Variants in AXDND1 observed in about 807,000 individuals in gnomAD.
AXDND1 encodes axonemal dynein light chain domain containing 1, also known as axonemal dynein light chain domain-containing protein 1.
A neutral mutation model predicts 137.5 loss-of-function variants in AXDND1; 110 were observed. The observed-to-expected ratio is 0.80, with a 90% CI of 0.69 to 0.94. AXDND1 has a LOEUF of 0.94. AXDND1 is among the 40% of genes least tolerant of loss of function. AXDND1 has a pLI of 0.00. For synonymous variants in AXDND1, 414 were observed against 399.7 expected (o/e 1.04, Z -0.43); for missense variants, 1,191 against 1,169.8 (o/e 1.02, Z -0.26).
chr1:179,524,630 T>C (rs1670370962), intron 21 of AXDND1, among the ~76,000 whole-genome samples: 1 of 152,192 alleles, frequency 6.6e-6, no homozygotes, highest in Non-Finnish European at 1.5e-5. Context: ...GATGCACATT[T>C]TCTCTAACCA....
At position 179,525,381 on chromosome 1, in the gene AXDND1, AGAAGAT is replaced by A. The variant is rs1292234096; in HGVS notation, c.2550_2555del (p.Asp850_Glu851del). 1 of 1,612,370 alleles carries A rather than the reference AGAAGAT, an allele frequency of 6.2e-7. No homozygotes were observed. Among genetic ancestry groups the A allele is most frequent in the Admixed American group, 1.7e-5 (1 of 59,892 alleles). On this transcript the variant is annotated inframe_deletion, in exon 22 of 26. Coordinates refer to ENST00000367618, the MANE Select transcript of AXDND1 (RefSeq NM_144696.6). ...AGCCTGAAATAGACGAGTCTTTTAAAGAAGATGAAGAAGAAAGTAAGGAGGATAGGA... is the reference window on the plus strand; with the variant it reads ...AGCCTGAAATAGACGAGTCTTTTAAAGAAGAAGAAAGTAAGGAGGATAGGA...
intron 11 of AXDND1, among the ~76,000 whole-genome samples, chr1:179,400,148 A>G (rs1651731354): frequency 6.6e-6 from 1 of 152,232 alleles, no homozygotes. Context: ...CACAATTCAC[A>G]ATTGCAAAAT....
intron 17 of AXDND1, among the ~76,000 whole-genome samples, chr1:179,482,020 G>A (rs1205009799): frequency 6.6e-6 from 1 of 150,866 alleles, no homozygotes; most frequent in East Asian, 1.9e-4. Context: ...GTTCTTTAAA[G>A]CACCCTTAGG....
At chr1:179,419,074 G>GC (rs1171400940) in intron 12 of AXDND1, among the ~76,000 whole-genome samples, 4 of 151,414 alleles carry the variant, frequency 2.6e-5, no homozygotes, top group Admixed American at 6.6e-5. Context: ...CGGGGAAGAG[G>GC]CCCCCCTCAC....
chr1:179,479,580 A>G (rs536319808), intron 17 of AXDND1, among the ~76,000 whole-genome samples: 2 of 151,042 alleles, frequency 1.3e-5, no homozygotes, highest in African/African-American at 4.9e-5. Flanking sequence ...GATTGAGACC[A>G]TCCTCTCTAA....
At position 179,429,633 on chromosome 1, in the gene AXDND1, A is replaced by T. The variant is rs766058626; in HGVS notation, c.1332+14A>T. ...CTATCAAACAAGGTAAAGGTCAATTATCTTCAGTTATGGGAAAAAAAGATG... is the reference window on the plus strand; with the variant it reads ...CTATCAAACAAGGTAAAGGTCAATTTTCTTCAGTTATGGGAAAAAAAGATG... On this transcript the variant is annotated intron_variant, in intron 13 of 25. Transcript: ENST00000367618. 39 of 1,479,250 alleles carry T rather than the reference A, an allele frequency of 2.6e-5. No individual in the cohort carries two copies. Among genetic ancestry groups the T allele is most frequent in the Non-Finnish European group, 2.4e-5 (26 of 1,099,332 alleles). 91.6% of individuals were successfully genotyped at this position (1,479,250 alleles called of 1,614,324 possible). A position where few individuals can be genotyped will look rare whatever the true frequency, so the allele number is the denominator to read the frequency against.
intron 17 of AXDND1, among the ~76,000 whole-genome samples, chr1:179,468,952 G>C (rs928226146): frequency 4.0e-5 from 6 of 149,908 alleles, no homozygotes; most frequent in African/African-American, 1.5e-4. Context: ...TTTTTGAGGC[G>C]AAGTCTTGCT....
chr1:179,470,353 A>G (rs1357037832), intron 17 of AXDND1, among the ~76,000 whole-genome samples: 2 of 152,156 alleles, frequency 1.3e-5, no homozygotes, highest in Admixed American at 6.5e-5. Flanking sequence ...TTACAAAGAC[A>G]TTAACTAGGA....
intron 4 of AXDND1, among the ~76,000 whole-genome samples, chr1:179,377,192 A>G (rs188767707): frequency 7.7e-4 from 117 of 152,292 alleles, no homozygotes; most frequent in Non-Finnish European, 1.4e-3. Flanking sequence ...TCAGCCTCCC[A>G]AAGTGCTGGT....
At chr1:179,473,608 C>T (rs188121364) in intron 17 of AXDND1, among the ~76,000 whole-genome samples, 40 of 152,240 alleles carry the variant, frequency 2.6e-4, no homozygotes, top group Admixed American at 2.6e-3. Flanking sequence ...TAATTTTATG[C>T]ACATTACATC....
intron 25 of AXDND1, among the ~76,000 whole-genome samples, chr1:179,547,567 T>C (rs896905927): frequency 6.6e-6 from 1 of 152,190 alleles, no homozygotes; most frequent in African/African-American, 2.4e-5. Flanking sequence ...AATGCTTCTA[T>C]TCTTAAATGT....
At chr1:179,488,447 A>G (rs1235429631) in intron 18 of AXDND1, among the ~76,000 whole-genome samples, 1 of 147,752 alleles carries the variant, frequency 6.8e-6, no homozygotes, top group Non-Finnish European at 1.5e-5. Context: ...GTTGGTTTTT[A>G]TAGAGATGGG....
chr1:179,459,842 C>T (rs1390258298), intron 16 of AXDND1, among the ~76,000 whole-genome samples: 6 of 73,066 alleles, frequency 8.2e-5, no homozygotes, highest in South Asian at 4.4e-4. Context: ...CTTTTCTTTC[C>T]CTTCCTTCCT....
chr1:179,539,908 G>A (rs369524945), intron 25 of AXDND1, among the ~76,000 whole-genome samples: 3 of 151,506 alleles, frequency 2.0e-5, no homozygotes, highest in African/African-American at 7.3e-5. Context: ...TTTTTTCTCT[G>A]ATCTTTTCTT....
chr1:179,552,747 A>C, intron 25 of AXDND1: 1 of 1,231,090 alleles, frequency 8.1e-7, no homozygotes, highest in Non-Finnish European at 1.2e-6. Flanking sequence ...GCTTTCACAC[A>C]GACTTGCAAG....
chr1:179,475,591 C>T (rs1182566760), intron 17 of AXDND1, among the ~76,000 whole-genome samples: 2 of 152,218 alleles, frequency 1.3e-5, no homozygotes, highest in Non-Finnish European at 2.9e-5. Context: ...TTATCCAATG[C>T]CTCTACCTGC....
chr1:179,471,316 G>C (rs60940069), intron 17 of AXDND1, among the ~76,000 whole-genome samples: 16,348 of 152,096 alleles, frequency 0.11, 1,003 homozygotes, highest in African/African-American at 0.14. Flanking sequence ...TTCATCTTTG[G>C]CTCTTTGGGA....
chr1:179,421,599 G>T (rs542752437), intron 12 of AXDND1, among the ~76,000 whole-genome samples: 2 of 151,416 alleles, frequency 1.3e-5, no homozygotes, highest in South Asian at 4.2e-4. Context: ...GGCCAGGCTG[G>T]TCTTAAACTC....
Position 179,509,231 on chromosome 1 carries a change from C to T in AXDND1, c.2389-65C>T, listed in dbSNP as rs569097302. 107 of 958,854 alleles carry T rather than the reference C, an allele frequency of 1.1e-4. No individual in the cohort carries two copies. The African/African-American group carries it at 1.6e-3, about 14-fold the overall frequency. The allele number at this position is 958,854 out of a possible 1,614,324, so 59.4% of individuals were successfully genotyped here. ...TTTAGAGGAATTGTATTTATCAGTT[C>T]CTCAATAGCGGTGAGTGAATAAATG... On this transcript the variant is annotated intron_variant, in intron 20 of 25. Transcript: ENST00000367618.
Sources: gnomAD v4.1 joint callset for allele counts (sites outside exome capture counted in the v4.1 genomes callset) on GRCh38, gnomAD v4.1.1 for gene constraint, MANE v1.5 for transcripts, NCBI Gene and HGNC (gene_info 2026-07-23, HGNC 2026-07-21) for gene names.